RGS6: variants seen among roughly 807,000 people sequenced by gnomAD.
The protein encoded by RGS6 is regulator of G-protein signaling 6.
In RGS6, 30 loss-of-function variants were observed where a neutral mutation model predicts 78.5. That is an observed-to-expected ratio of 0.38 (90% CI 0.29 to 0.52). The LOEUF (loss-of-function observed/expected upper bound fraction) is 0.52, where lower values mean the gene tolerates loss of function less well. Among genes scored for constraint, RGS6 ranks in the 20% least tolerant of loss-of-function variants. The pLI is 0.85. For synonymous variants in RGS6, 206 were observed against 206.0 expected (o/e 1.00, Z 0.00); for missense variants, 495 against 609.7 (o/e 0.81, Z 1.98).
At chr14:72,502,132 C>A (rs1296584278) in intron 13 of RGS6, among the ~76,000 whole-genome samples, 1 of 152,212 alleles carries the variant, frequency 6.6e-6, no homozygotes, top group Non-Finnish European at 1.5e-5. Flanking sequence ...CCACCTTGGT[C>A]ATTTGAAATA....
chr14:72,522,476 A>G (rs183931832), intron 15 of RGS6, among the ~76,000 whole-genome samples: 9 of 152,288 alleles, frequency 5.9e-5, no homozygotes, highest in Admixed American at 1.3e-4. Context: ...AAAAAACTAT[A>G]CTTTTCCTAA....
At chr14:72,236,423 G>T (rs2051050433) in intron 2 of RGS6, among the ~76,000 whole-genome samples, 1 of 152,174 alleles carries the variant, frequency 6.6e-6, no homozygotes, top group Non-Finnish European at 1.5e-5. Context: ...TGTGCGCACA[G>T]CAACATAAGC....
intron 2 of RGS6, among the ~76,000 whole-genome samples, chr14:72,111,398 C>T (rs1347425558): frequency 1.3e-5 from 2 of 152,102 alleles, no homozygotes; most frequent in Non-Finnish European, 2.9e-5. Flanking sequence ...GAAGTGGTAA[C>T]ATAGGGCACT....
At chr14:72,245,234 T>C (rs1265769791) in intron 2 of RGS6, among the ~76,000 whole-genome samples, 1 of 152,190 alleles carries the variant, frequency 6.6e-6, no homozygotes, top group East Asian at 1.9e-4. Context: ...CACAGGGAAA[T>C]GACTTTGCTG....
intron 14 of RGS6, among the ~76,000 whole-genome samples, chr14:72,513,035 C>T (rs1423020727): frequency 6.6e-6 from 1 of 152,222 alleles, no homozygotes; most frequent in African/African-American, 2.4e-5. Context: ...GTCCCTTCTC[C>T]GCAGGATTGG....
At chr14:72,444,070 C>A (rs1039260502) in intron 3 of RGS6, among the ~76,000 whole-genome samples, 3 of 152,200 alleles carry the variant, frequency 2.0e-5, no homozygotes, top group Non-Finnish European at 4.4e-5. Flanking sequence ...CCTCCACCCC[C>A]ACGTCTGCTG....
At position 72,380,082 on chromosome 14, in the gene RGS6, TTAAA is replaced by T. The variant is rs199583904; in HGVS notation, c.184+27894_184+27897del. On this transcript the variant is annotated intron_variant, in intron 3 of 17. Coordinates refer to ENST00000553525, the MANE Select transcript of RGS6 (RefSeq NM_001204424.2). Reference sequence around the variant, plus strand: ...CACTGAGGCAAAACAAAACAGTATCTTAAATAAATGGTCCCCAAAAAATCAGATA... The same window carrying T: ...CACTGAGGCAAAACAAAACAGTATCTTAAATGGTCCCCAAAAAATCAGATA... 6.6e-3 allele frequency among the ~76,000 whole-genome samples: 910 copies of T among 137,448 alleles called. 3 individuals are homozygous for T. The highest frequency in any genetic ancestry group is 0.011 in the Non-Finnish European group (699 of 63,512). 90.2% of individuals were successfully genotyped at this position (137,448 alleles called of 152,430 possible). A position where few individuals can be genotyped will look rare whatever the true frequency, so the allele number is the denominator to read the frequency against.
At chr14:72,173,053 G>T (rs1344142437) in intron 2 of RGS6, among the ~76,000 whole-genome samples, 1 of 152,176 alleles carries the variant, frequency 6.6e-6, no homozygotes, top group Non-Finnish European at 1.5e-5. Context: ...GAGGATCTCA[G>T]TCCACCTGTA....
chr14:72,433,184 G>A (rs2094731908), intron 3 of RGS6, among the ~76,000 whole-genome samples: 1 of 152,148 alleles, frequency 6.6e-6, no homozygotes, highest in Non-Finnish European at 1.5e-5. Flanking sequence ...TGGATCACCT[G>A]TCCCCAGAAA....
intron 3 of RGS6, among the ~76,000 whole-genome samples, chr14:72,367,211 C>T (rs755754137): frequency 1.8e-4 from 27 of 152,128 alleles, no homozygotes; most frequent in Non-Finnish European, 3.7e-4. Flanking sequence ...ATGCGTTCTC[C>T]CTGAACATGA....
chr14:72,326,959 G>A lies in RGS6; in HGVS notation c.85-25136G>A, dbSNP rs944744240. Among the ~76,000 whole-genome samples the A allele has an allele frequency of 1.8e-4, 27 of 152,048 alleles. 1 individual carries two copies. The highest frequency in any genetic ancestry group is 5.8e-4 in the African/African-American group (24 of 41,390). ...CCTGACCTCGTGATCTGCCCACCTCGGCCTCCCAAAGTGCTGGGATTACAG... is the reference window on the plus strand; with the variant it reads ...CCTGACCTCGTGATCTGCCCACCTCAGCCTCCCAAAGTGCTGGGATTACAG... On this transcript the variant is annotated intron_variant, in intron 2 of 17. Transcript: ENST00000553525.
Position 71,964,844 on chromosome 14 carries a change from A to T in RGS6, c.53A>T (p.Glu18Val). 3 of 1,613,898 alleles carry T rather than the reference A, an allele frequency of 1.9e-6. No individual in the cohort carries two copies. Residue 18 changes from glutamate (E) to valine (V), a missense_variant, in exon 2 of 18, where the codon GAG becomes GTG. By Grantham distance (121) the Glu-to-Val change is moderately radical. Transcript: ENST00000553525. ...GCAGTGGGGGTTGCTGACCCAGAGG[A>T]GAGTTCTCCAAACATGATCGTTTAC... The part of the protein sequence containing the change: ...QRAVGVADPE[E>V]SSPNMIVYCK...
intron 12 of RGS6, among the ~76,000 whole-genome samples, chr14:72,492,131 G>A (rs967469491): frequency 4.6e-5 from 7 of 152,228 alleles, no homozygotes; most frequent in East Asian, 3.9e-4. Flanking sequence ...TAAGGATTAC[G>A]GCCAACACTG....
intron 2 of RGS6, among the ~76,000 whole-genome samples, chr14:72,253,163 G>A (rs1055373779): frequency 5.3e-5 from 8 of 152,172 alleles, no homozygotes; most frequent in South Asian, 4.1e-4. Flanking sequence ...ATCCACATCC[G>A]TGCTTAGGCT....
At chr14:72,122,169 G>A (rs2096067802) in intron 2 of RGS6, among the ~76,000 whole-genome samples, 1 of 152,074 alleles carries the variant, frequency 6.6e-6, no homozygotes, top group African/African-American at 2.4e-5. Flanking sequence ...TGGGTGTCTT[G>A]GTTTCTTTTA....
rs567602691 is a variant in RGS6 at position 72,289,446 on chromosome 14, C to T, written c.85-62649C>T. 7.9e-5 allele frequency among the ~76,000 whole-genome samples: 12 copies of T among 152,130 alleles called. No homozygotes were observed. The East Asian group carries it at 1.9e-3, about 25-fold the overall frequency. On this transcript the variant is annotated intron_variant, in intron 2 of 17. Transcript: ENST00000553525. ...GAACCCAATCTGTGTCCATGAATTG[C>T]CCATTTCACAGAATCACGAAAGCCA...
chr14:71,972,259 A>G (rs2093857681), intron 2 of RGS6, among the ~76,000 whole-genome samples: 1 of 151,846 alleles, frequency 6.6e-6, no homozygotes, highest in Admixed American at 6.6e-5. Context: ...GAATACCAAG[A>G]TCCAGAATTC....
In RGS6 at chr14:72,370,037, A is replaced by G. The variant is rs576849522; in HGVS notation, c.184+17843A>G. On this transcript the variant is annotated intron_variant, in intron 3 of 17. Transcript: ENST00000553525. ...TCAACAGAAGCAAAGCCATGAATTCATAACCATATATACATTTATATAATC... is the reference window on the plus strand; with the variant it reads ...TCAACAGAAGCAAAGCCATGAATTCGTAACCATATATACATTTATATAATC... Among the ~76,000 whole-genome samples the G allele has an allele frequency of 1.6e-4, 24 of 152,316 alleles. No homozygotes were observed. The South Asian group carries it at 3.7e-3, about 24-fold the overall frequency.
intron 2 of RGS6, among the ~76,000 whole-genome samples, chr14:72,095,851 G>T (rs1597470500): frequency 1.3e-5 from 2 of 152,342 alleles, no homozygotes; most frequent in East Asian, 3.9e-4. Context: ...CTGGTGCATT[G>T]TCTACATTAA....
Sources: allele counts gnomAD v4.1 joint callset (sites outside exome capture counted in the v4.1 genomes callset), GRCh38; gene constraint gnomAD v4.1.1; transcripts MANE v1.5; gene names NCBI Gene and HGNC (gene_info 2026-07-23, HGNC 2026-07-21).